SYNE1: variants seen among roughly 807,000 people sequenced by gnomAD.
SYNE1 encodes nesprin-1.
SYNE1 carries 616 observed loss-of-function variants against 1,111.0 expected under a neutral mutation model. That is an observed-to-expected ratio of 0.55 (90% CI 0.52 to 0.59). SYNE1 has a LOEUF of 0.59. Ranked by LOEUF, SYNE1 falls within the 20% of genes least tolerant of loss-of-function variation. The pLI is 0.00. For missense variants in SYNE1, 10,006 were observed against 10,417.0 expected, an observed-to-expected ratio of 0.96 and a Z score of 1.72; for synonymous variants, 3,855 against 3,825.8, an observed-to-expected ratio of 1.01 and a Z score of -0.28.
At chr6:152,362,413 G>C (rs1478227541) in intron 63 of SYNE1, 90 bp from the exon 64 acceptor site, 2 of 1,554,052 alleles carry the variant, frequency 1.3e-6, no homozygotes, top group East Asian at 4.5e-5. Flanking sequence ...ACTCCAGTAA[G>C]CAAGGGGTCA....
chr6:152,622,617 A>G (rs1372482821), intron 3 of SYNE1, among the ~76,000 whole-genome samples: 1 of 152,164 alleles, frequency 6.6e-6, no homozygotes, highest in Non-Finnish European at 1.5e-5. Context: ...TTATGGCTGC[A>G]TAGTATTCCA....
chr6:152,181,720 T>G (rs1056709614), intron 128 of SYNE1, among the ~76,000 whole-genome samples: 3 of 152,236 alleles, frequency 2.0e-5, no homozygotes, highest in African/African-American at 7.2e-5. Flanking sequence ...ATTTGGGTTG[T>G]TTCCATTTTT....
At chr6:152,450,162 C>T (rs912524213) in intron 27 of SYNE1, among the ~76,000 whole-genome samples, 2 of 152,180 alleles carry the variant, frequency 1.3e-5, no homozygotes, top group Non-Finnish European at 1.5e-5. Context: ...CTCACAAGAT[C>T]TGATGGTTTC....
chr6:152,617,736 G>A (rs1349861416), intron 3 of SYNE1, among the ~76,000 whole-genome samples: 2 of 152,174 alleles, frequency 1.3e-5, no homozygotes, highest in Non-Finnish European at 2.9e-5. Context: ...ATAGAAACAT[G>A]TTCAAAGTAG....
chr6:152,214,882 C>T, intron 122 of SYNE1, 24 bp downstream of exon 122: 1 of 1,613,884 alleles, frequency 6.2e-7, no homozygotes, highest in Non-Finnish European at 8.5e-7. Context: ...CTGGAGCAAC[C>T]AAGACATCTC....
rs181521104 is a variant in SYNE1, at chr6:152,535,585, A to T, written c.129+4375T>A. Among the ~76,000 whole-genome samples, 7 of 152,332 alleles carry T rather than the reference A, an allele frequency of 4.6e-5. No individual in the cohort carries two copies. The East Asian group carries it at 1.2e-3, about 25-fold the overall frequency. On this transcript the variant is annotated intron_variant, in intron 4 of 145. Transcript: ENST00000367255. Reference sequence around the variant, plus strand: ...GTGACAAGCAATCTATTTATCTCACAGTCAAATATCATAAGATTGAATCAA... The same window carrying T: ...GTGACAAGCAATCTATTTATCTCACTGTCAAATATCATAAGATTGAATCAA...
Position 152,364,686 on chromosome 6 carries a change from G to GAGGAAGGAAGGAAGGAAGGA in SYNE1, c.10145+141_10145+160dup, listed in dbSNP as rs138395598. Among the ~76,000 whole-genome samples the GAGGAAGGAAGGAAGGAAGGA allele has an allele frequency of 5.6e-3, 604 of 108,036 alleles. 6 individuals are homozygous for GAGGAAGGAAGGAAGGAAGGA. The highest frequency in any genetic ancestry group is 0.011 in the South Asian group (31 of 2,864). 70.9% of individuals were successfully genotyped at this position (108,036 alleles called of 152,430 possible). A position where few individuals can be genotyped will look rare whatever the true frequency, so the allele number is the denominator to read the frequency against. On this transcript the variant is annotated intron_variant, in intron 63 of 145. Transcript: ENST00000367255. ...AGGGAGGGAAGGAGGAAGGAGGAAGGAGGAAGGAAGGAAGGAAGGAAGGAA... is the reference window on the plus strand; with the variant it reads ...AGGGAGGGAAGGAGGAAGGAGGAAGGAGGAAGGAAGGAAGGAAGGAAGGAAGGAAGGAAGGAAGGAAGGAA...
chr6:152,400,998 T>C, intron 47 of SYNE1, 140 bp downstream of exon 47: 3 of 754,942 alleles, frequency 4.0e-6, no homozygotes, highest in Admixed American at 2.3e-5. Flanking sequence ...TACTTTGCTG[T>C]GTTCAATGTC....
intron 90 of SYNE1, among the ~76,000 whole-genome samples, chr6:152,308,917 G>A (rs768629580): frequency 5.3e-5 from 8 of 152,114 alleles, no homozygotes; most frequent in African/African-American, 9.7e-5. Flanking sequence ...GGAACATGAC[G>A]GTCAGAAAGG....
rs143173603 is a variant in SYNE1 at position 152,369,459 on chromosome 6, C to T, written c.9651+12G>A. The T allele has an allele frequency of 8.3e-4, 1,340 of 1,614,086 alleles. 6 individuals carry two copies. In the African/African-American group the frequency reaches 0.01, roughly 12 times the overall value. On this transcript the variant is annotated intron_variant, in intron 60 of 145. Transcript: ENST00000367255. ...TAGGTCAGATGGGGCTACGGGGAGG[C>T]GGGCTCATCACCTGGAGCTTCTGCT...
At chr6:152,402,713 G>T (rs113116392) in intron 46 of SYNE1, 4,166 of 152,060 alleles carry the variant, frequency 0.027, 207 homozygotes, top group African/African-American at 0.096. Context: ...ATACATAGGG[G>T]TGCATGTATG....
chr6:152,152,848 C>T (rs879888976), intron 133 of SYNE1, among the ~76,000 whole-genome samples: 3 of 152,086 alleles, frequency 2.0e-5, no homozygotes, highest in South Asian at 4.1e-4. Flanking sequence ...GTGTACCACC[C>T]ACACAGTAGC....
intron 107 of SYNE1, among the ~76,000 whole-genome samples, chr6:152,241,976 G>C (rs961079632): frequency 6.6e-6 from 1 of 152,156 alleles, no homozygotes; most frequent in Non-Finnish European, 1.5e-5. Flanking sequence ...TAATACTAGT[G>C]AGGAACTGAT....
At chr6:152,287,702 A>C (rs1468104143) in intron 95 of SYNE1, among the ~76,000 whole-genome samples, 1 of 152,076 alleles carries the variant, frequency 6.6e-6, no homozygotes, top group Non-Finnish European at 1.5e-5. Context: ...ATGCACCACC[A>C]CACCCAGCTA....
intron 123 of SYNE1, 69 bp from the exon 124 acceptor site, chr6:152,211,657 T>C: frequency 7.4e-7 from 1 of 1,355,828 alleles, no homozygotes; most frequent in Non-Finnish European, 1.0e-6. Context: ...TCTGATAACT[T>C]TCCAAATATT....
At chr6:152,308,073 C>T (rs572544473) in intron 91 of SYNE1, among the ~76,000 whole-genome samples, 40 of 152,190 alleles carry the variant, frequency 2.6e-4, no homozygotes, top group Admixed American at 9.2e-4. Context: ...CCTCATGATC[C>T]ACCCATCTTG....
At chr6:152,142,059 T>G (rs756516934) in intron 138 of SYNE1, among the ~76,000 whole-genome samples, 1 of 151,622 alleles carries the variant, frequency 6.6e-6, no homozygotes, top group East Asian at 1.9e-4. Context: ...GGTGACAGAG[T>G]GTGAGACCCT....
Position 152,407,906 on chromosome 6 carries a change from C to T in SYNE1, c.6541-710G>A, listed in dbSNP as rs143594506. Among the ~76,000 whole-genome samples the T allele has an allele frequency of 1.2e-3, 183 of 151,840 alleles. 2 individuals carry two copies. The highest frequency in any genetic ancestry group is 4.3e-3 in the African/African-American group (177 of 41,418). ...CCTCCACAGTAGCTAGGATTACAGG[C>T]GCTCGCCACCACGCCCGGCTAATTT... On this transcript the variant is annotated intron_variant, in intron 44 of 145. Transcript: ENST00000367255.
Position 152,635,296 on chromosome 6 carries a change from GC to G in SYNE1, c.-224+1341del, listed in dbSNP as rs1380041255. Among the ~76,000 whole-genome samples, 4 of 152,268 alleles carry G rather than the reference GC, an allele frequency of 2.6e-5. No individual in the cohort carries two copies. The East Asian group carries it at 5.8e-4, about 22-fold the overall frequency. ...TAAGAGCTAGGCAAATATTTCCAAAGCCTAGCAAATATTGTTATCTGGGTCA... is the reference window on the plus strand; with the variant it reads ...TAAGAGCTAGGCAAATATTTCCAAAGCTAGCAAATATTGTTATCTGGGTCA... On this transcript the variant is annotated intron_variant, in intron 2 of 145. Transcript: ENST00000367255.
Sources: gnomAD v4.1 joint callset for allele counts (sites outside exome capture counted in the v4.1 genomes callset) on GRCh38, gnomAD v4.1.1 for gene constraint, MANE v1.5 for transcripts, NCBI Gene and HGNC (gene_info 2026-07-23, HGNC 2026-07-21) for gene names.